DGKI: variants seen among roughly 807,000 people sequenced by gnomAD.
DGKI encodes the protein DAG kinase iota.
In DGKI, 55 loss-of-function variants were observed where a neutral mutation model predicts 147.5. The observed-to-expected ratio is 0.37, with a 90% CI of 0.30 to 0.47. The LOEUF is 0.47. Among genes scored for constraint, DGKI ranks in the 20% least tolerant of loss-of-function variants. The probability of loss-of-function intolerance (pLI) is 1.00; values close to 1 mark genes in which losing one functional copy is unlikely to be tolerated. For synonymous variants in DGKI, 469 were observed against 477.1 expected, an observed-to-expected ratio of 0.98 and a Z score of 0.22; for missense variants, 1,007 against 1,323.8, an observed-to-expected ratio of 0.76 and a Z score of 3.71.
At chr7:137,741,926 TA>T (rs3839665) in intron 1 of DGKI, among the ~76,000 whole-genome samples, 4,543 of 151,652 alleles carry the variant, frequency 0.03, 163 homozygotes, top group East Asian at 0.14. Flanking sequence ...AAATACAATG[TA>T]AAAAAAAATT....
intron 21 of DGKI, among the ~76,000 whole-genome samples, chr7:137,507,518 C>A (rs190189648): frequency 5.1e-4 from 78 of 152,288 alleles, no homozygotes; most frequent in Admixed American, 2.8e-3. Flanking sequence ...ATGCTTATGG[C>A]ATTGATAATC....
At chr7:137,819,821 A>G (rs934297987) in intron 1 of DGKI, among the ~76,000 whole-genome samples, 11 of 152,330 alleles carry the variant, frequency 7.2e-5, no homozygotes, top group African/African-American at 2.6e-4. Context: ...GCTAGTGTCA[A>G]CAAACAACTT....
At chr7:137,630,589 A>G (rs1178558381) in intron 6 of DGKI, among the ~76,000 whole-genome samples, 1 of 152,238 alleles carries the variant, frequency 6.6e-6, no homozygotes, top group Non-Finnish European at 1.5e-5. Flanking sequence ...CTTCGTGGAA[A>G]CAGACAACTT....
chr7:137,460,692 T>C (rs1452301475), intron 27 of DGKI, among the ~76,000 whole-genome samples: 1 of 152,246 alleles, frequency 6.6e-6, no homozygotes, highest in Admixed American at 6.5e-5. Context: ...TTAAAAGTTT[T>C]GGATTTTGGA....
intron 30 of DGKI, among the ~76,000 whole-genome samples, chr7:137,400,436 G>A (rs183664651): frequency 1.3e-5 from 2 of 152,274 alleles, no homozygotes; most frequent in Admixed American, 6.5e-5. Flanking sequence ...GCCATGCCAC[G>A]GTGAGTCCAC....
chr7:137,608,859 C>A (rs1820270301), intron 10 of DGKI, 107 bp downstream of exon 10: 1 of 862,838 alleles, frequency 1.2e-6, no homozygotes, highest in Non-Finnish European at 1.9e-6. Context: ...AAACCGGTGT[C>A]TTCCAAAGCT....
chr7:137,559,323 G>A (rs377485471), intron 19 of DGKI, among the ~76,000 whole-genome samples: 4 of 151,620 alleles, frequency 2.6e-5, no homozygotes, highest in East Asian at 2.0e-4. Context: ...TGCCCGCCTC[G>A]GCCTCCCAAA....
At chr7:137,696,569 A>G (rs1823796184) in intron 1 of DGKI, among the ~76,000 whole-genome samples, 2 of 150,692 alleles carry the variant, frequency 1.3e-5, no homozygotes, top group African/African-American at 2.4e-5. Context: ...AACCACATCC[A>G]TAAGGCAACA....
In DGKI at chr7:137,412,166, T is replaced by C. The variant is rs1405583469; in HGVS notation, c.2799+4A>G. 1 of 1,613,458 alleles carries C rather than the reference T, an allele frequency of 6.2e-7. No homozygotes were observed. Among genetic ancestry groups the C allele is most frequent in the Non-Finnish European group, 8.5e-7 (1 of 1,179,414 alleles). Reference sequence around the variant, plus strand: ...GCCAAAGATTTGGTAGGAAGATATCTTACCTTCATAAGATCACCAGCTATT... The same window carrying C: ...GCCAAAGATTTGGTAGGAAGATATCCTACCTTCATAAGATCACCAGCTATT... On this transcript the variant is annotated splice_donor_region_variant and intron_variant, in intron 29 of 32. Transcript: ENST00000614521.
Position 137,748,274 on chromosome 7 carries a change from CAT to C in DGKI, c.402-58274_402-58273del, listed in dbSNP as rs1795401834. 2.6e-5 allele frequency among the ~76,000 whole-genome samples: 4 copies of C among 151,474 alleles called. No homozygotes were observed. The South Asian group carries it at 8.3e-4, about 32-fold the overall frequency. On this transcript the variant is annotated intron_variant, in intron 1 of 32. Coordinates refer to ENST00000614521, the MANE Select transcript of DGKI (RefSeq NM_001321708.2). ...AAACAAAACATTTTAAATCACTCCA[CAT>C]ATAATACTATTTGTATTATACTTTC...
chr7:137,495,502 CAAAAAAAAAA>C (rs34551145), intron 21 of DGKI, among the ~76,000 whole-genome samples: 6 of 57,394 alleles, frequency 1.0e-4, no homozygotes, highest in Middle Eastern at 0.019. Context: ...CTGGCAGAGA[CAAAAAAAAAA>C]AAAAAAAAAA....
intron 3 of DGKI, among the ~76,000 whole-genome samples, chr7:137,657,741 T>C (rs1424995433): frequency 1.3e-5 from 2 of 152,200 alleles, no homozygotes; most frequent in African/African-American, 2.4e-5. Context: ...TGCTGAGGTA[T>C]AATTTTTGAG....
At chr7:137,728,179 T>A (rs895672111) in intron 1 of DGKI, among the ~76,000 whole-genome samples, 2 of 152,160 alleles carry the variant, frequency 1.3e-5, no homozygotes, top group South Asian at 4.1e-4. Context: ...TGGAGGAAAC[T>A]TTAAAAGAAA....
intron 19 of DGKI, among the ~76,000 whole-genome samples, chr7:137,562,075 A>G (rs1026931899): frequency 6.6e-5 from 10 of 152,240 alleles, no homozygotes; most frequent in Non-Finnish European, 1.5e-4. Context: ...AACTTGGATC[A>G]ACAGGAAGGA....
chr7:137,769,236 C>T (rs1243031552), intron 1 of DGKI, among the ~76,000 whole-genome samples: 2 of 152,150 alleles, frequency 1.3e-5, no homozygotes, highest in Admixed American at 1.3e-4. Flanking sequence ...CTGACTGTGG[C>T]AGATCCAGCA....
intron 1 of DGKI, among the ~76,000 whole-genome samples, chr7:137,700,502 T>G (rs1310190775): frequency 1.3e-5 from 2 of 152,238 alleles, no homozygotes; most frequent in Admixed American, 1.3e-4. Flanking sequence ...TTTTCAAATT[T>G]TAAAATCACT....
intron 2 of DGKI, among the ~76,000 whole-genome samples, chr7:137,683,128 A>G (rs768251756): frequency 4.0e-5 from 6 of 150,634 alleles, no homozygotes; most frequent in Non-Finnish European, 5.9e-5. Context: ...CTAATTTCGG[A>G]GTCTTGTTTT....
At chr7:137,391,487 G>T in intron 32 of DGKI, 151 bp from the exon 33 acceptor site, 1 of 587,700 alleles carries the variant, frequency 1.7e-6, no homozygotes, top group Non-Finnish European at 3.0e-6. Context: ...TTTCACATTT[G>T]GTGTTTTAGA....
At chr7:137,491,092 C>T (rs748775500) in intron 21 of DGKI, among the ~76,000 whole-genome samples, 3 of 152,088 alleles carry the variant, frequency 2.0e-5, no homozygotes, top group African/African-American at 7.2e-5. Flanking sequence ...AGAGTCAAAT[C>T]CTAAACCACT....
Sources: gnomAD v4.1 joint callset for allele counts (sites outside exome capture counted in the v4.1 genomes callset) on GRCh38, gnomAD v4.1.1 for gene constraint, MANE v1.5 for transcripts, NCBI Gene and HGNC (gene_info 2026-07-23, HGNC 2026-07-21) for gene names.